RGS7BP: variants seen among roughly 807,000 people sequenced by gnomAD.
RGS7BP encodes the protein regulator of G protein signaling 7 binding protein.
A neutral mutation model predicts 31.3 loss-of-function variants in RGS7BP; 9 were observed. That is an observed-to-expected ratio of 0.29 (90% CI 0.17 to 0.50). The LOEUF (loss-of-function observed/expected upper bound fraction) is 0.50. Among genes scored for constraint, RGS7BP ranks in the 20% least tolerant of loss-of-function variants. The pLI, the probability that RGS7BP is intolerant of heterozygous loss-of-function variation, is 0.98. For missense variants in RGS7BP, 274 were observed against 322.0 expected, an observed-to-expected ratio of 0.85 and a Z score of 1.14; for synonymous variants, 115 against 120.1, an observed-to-expected ratio of 0.96 and a Z score of 0.28.
chr5:64,576,328 G>C (rs2111901192), intron 3 of RGS7BP, among the ~76,000 whole-genome samples: 1 of 152,244 alleles, frequency 6.6e-6, no homozygotes, highest in Admixed American at 6.5e-5. Context: ...ATAACAGGGA[G>C]GTTAGTAATA....
intron 2 of RGS7BP, among the ~76,000 whole-genome samples, chr5:64,508,326 G>A (rs757697105): frequency 4.6e-5 from 7 of 152,102 alleles, no homozygotes; most frequent in African/African-American, 1.2e-4. Context: ...CTATGATACC[G>A]CCTAAAATAA....
intron 5 of RGS7BP, among the ~76,000 whole-genome samples, chr5:64,606,892 T>A (rs1743379272): frequency 6.6e-6 from 1 of 152,112 alleles, no homozygotes; most frequent in Non-Finnish European, 1.5e-5. Flanking sequence ...TATTTTTCAC[T>A]ATGGAAAGGA....
At chr5:64,526,949 C>CAA (rs1415655672) in intron 2 of RGS7BP, among the ~76,000 whole-genome samples, 1 of 152,184 alleles carries the variant, frequency 6.6e-6, no homozygotes, top group Non-Finnish European at 1.5e-5. Flanking sequence ...AGCAAACATT[C>CAA]AAAGCTTTCT....
chr5:64,555,214 C>T (rs2111846169), intron 2 of RGS7BP, among the ~76,000 whole-genome samples: 1 of 152,238 alleles, frequency 6.6e-6, no homozygotes, highest in Middle Eastern at 3.4e-3. Flanking sequence ...AAGTGAGTCT[C>T]TCCACAACAA....
chr5:64,523,846 T>C (rs1315019588), intron 2 of RGS7BP, among the ~76,000 whole-genome samples: 3 of 152,210 alleles, frequency 2.0e-5, no homozygotes, highest in African/African-American at 7.2e-5. Flanking sequence ...AAAGACCCTC[T>C]CTTTTGCCAA....
intron 3 of RGS7BP, among the ~76,000 whole-genome samples, chr5:64,590,485 T>C (rs916287386): frequency 6.6e-6 from 1 of 151,850 alleles, no homozygotes; most frequent in Non-Finnish European, 1.5e-5. Flanking sequence ...TTTATGCTAT[T>C]AAAAATGTAT....
intron 2 of RGS7BP, among the ~76,000 whole-genome samples, chr5:64,521,560 T>A (rs1749109570): frequency 6.6e-6 from 1 of 152,202 alleles, no homozygotes; most frequent in Non-Finnish European, 1.5e-5. Flanking sequence ...CCTGGCCTTT[T>A]GTGTCTTTTA....
At chr5:64,559,762 T>A (rs1742008588) in intron 2 of RGS7BP, among the ~76,000 whole-genome samples, 2 of 152,180 alleles carry the variant, frequency 1.3e-5, no homozygotes, top group Admixed American at 6.6e-5. Flanking sequence ...GTGCTGAGCA[T>A]CCTTCCAATA....
chr5:64,552,195 G>A, intron 2 of RGS7BP, among the ~76,000 whole-genome samples: 1 of 152,106 alleles, frequency 6.6e-6, no homozygotes, highest in East Asian at 1.9e-4. Context: ...AATGTAAACA[G>A]TCTAGAAAAA....
intron 2 of RGS7BP, among the ~76,000 whole-genome samples, chr5:64,571,822 T>C (rs1419839548): frequency 6.6e-6 from 1 of 152,164 alleles, no homozygotes; most frequent in Non-Finnish European, 1.5e-5. Context: ...AATTTGGTCA[T>C]TATTTTAAAT....
At chr5:64,554,469 A>T (rs1441695145) in intron 2 of RGS7BP, among the ~76,000 whole-genome samples, 1 of 152,190 alleles carries the variant, frequency 6.6e-6, no homozygotes, top group East Asian at 1.9e-4. Flanking sequence ...GATTCAAGCC[A>T]GGATTTTCAA....
intron 2 of RGS7BP, among the ~76,000 whole-genome samples, chr5:64,511,330 A>G (rs1748827126): frequency 6.6e-6 from 1 of 152,246 alleles, no homozygotes. Context: ...TGCATTCTGG[A>G]CAGACCCAGC....
intron 2 of RGS7BP, among the ~76,000 whole-genome samples, chr5:64,569,642 T>A (rs1445236621): frequency 1.3e-5 from 2 of 152,292 alleles, no homozygotes; most frequent in East Asian, 3.9e-4. Flanking sequence ...CGTAGATGTA[T>A]GGGACCACCT....
intron 3 of RGS7BP, among the ~76,000 whole-genome samples, chr5:64,590,221 G>A (rs1487999084): frequency 3.3e-5 from 5 of 152,012 alleles, no homozygotes; most frequent in African/African-American, 1.2e-4. Flanking sequence ...GAATCTAAGT[G>A]TGAGCACCAA....
At chr5:64,596,718 A>G (rs60079916) in intron 4 of RGS7BP, among the ~76,000 whole-genome samples, 1 of 152,202 alleles carries the variant, frequency 6.6e-6, no homozygotes, top group Non-Finnish European at 1.5e-5. Context: ...AAGTTTTTAC[A>G]GGTATATTTC....
intron 2 of RGS7BP, among the ~76,000 whole-genome samples, chr5:64,517,088 G>T (rs1748997694): frequency 6.6e-6 from 1 of 151,618 alleles, no homozygotes; most frequent in Non-Finnish European, 1.5e-5. Flanking sequence ...AAACCAGATG[G>T]TTCTGCACCC....
At chr5:64,557,437 G>C (rs1452423873) in intron 2 of RGS7BP, among the ~76,000 whole-genome samples, 1 of 152,148 alleles carries the variant, frequency 6.6e-6, no homozygotes, top group African/African-American at 2.4e-5. Flanking sequence ...AGTGCTCTTT[G>C]CAGCAGGTTC....
At chr5:64,559,752 G>C (rs944616879) in intron 2 of RGS7BP, among the ~76,000 whole-genome samples, 1 of 152,154 alleles carries the variant, frequency 6.6e-6, no homozygotes, top group Non-Finnish European at 1.5e-5. Context: ...CATTTGCCAG[G>C]TGCTGAGCAT....
chr5:64,577,659 G>C (rs191414402), intron 3 of RGS7BP, among the ~76,000 whole-genome samples: 187 of 152,214 alleles, frequency 1.2e-3, no homozygotes, highest in African/African-American at 4.4e-3. Context: ...TACTCCTAAT[G>C]CCTGATCAGG....
Sources: gnomAD v4.1 joint callset for allele counts (sites outside exome capture counted in the v4.1 genomes callset) on GRCh38, gnomAD v4.1.1 for gene constraint, MANE v1.5 for transcripts, NCBI Gene and HGNC (gene_info 2026-07-23, HGNC 2026-07-21) for gene names.